LNX2: variants seen among roughly 807,000 people sequenced by gnomAD.
The protein encoded by LNX2 is ligand of numb-protein X 2, also known as ligand of Numb protein X 2.
In LNX2, 35 loss-of-function variants were observed where a neutral mutation model predicts 66.2. That is an observed-to-expected ratio of 0.53 (90% CI 0.40 to 0.70). The LOEUF is 0.70. Ranked by LOEUF, LNX2 falls within the 30% of genes least tolerant of loss-of-function variation. The probability of loss-of-function intolerance (pLI) is 0.00; values close to 1 mark genes in which losing one functional copy is unlikely to be tolerated. For missense variants in LNX2, 791 were observed against 850.8 expected (o/e 0.93, Z 0.87); for synonymous variants, 337 against 315.6 (o/e 1.07, Z -0.72).
rs1048406232 is a variant in LNX2, at chr13:27,559,846, T to C, written c.1364A>G (p.His455Arg). The change falls in exon 6 of 10, where the codon CAT becomes CGT. Residue 455 changes from histidine (H) to arginine (R), a missense_variant. Physicochemically the swap from His to Arg is conservative, Grantham distance 29 (BLOSUM62 0). Coordinates refer to ENST00000316334, the MANE Select transcript of LNX2 (RefSeq NM_153371.4). ...PPPYYSRPSS[H>R]KDLTQCVTCQ... ...AAAAAAAAAAAAAATCCTCACCTTA[T>C]GTGAGCTTGGTCTGCTATAATACGG... is the stretch of plus-strand genomic sequence containing the variant. 4 of 1,553,910 alleles carry C rather than the reference T, an allele frequency of 2.6e-6. No individual in the cohort carries two copies. The highest frequency in any genetic ancestry group is 2.4e-5 in the South Asian group (2 of 81,696).
intron 1 of LNX2, among the ~76,000 whole-genome samples, chr13:27,583,117 T>C: frequency 6.6e-6 from 1 of 151,148 alleles, no homozygotes; most frequent in Non-Finnish European, 1.5e-5. Context: ...ACATTTCAAT[T>C]TCACCTCATA....
chr13:27,611,926 G>C (rs1006483388), intron 1 of LNX2, among the ~76,000 whole-genome samples: 4 of 152,186 alleles, frequency 2.6e-5, no homozygotes, highest in African/African-American at 9.7e-5. Context: ...CATATTTATA[G>C]GCTGGTGTGA....
Position 27,556,312 on chromosome 13 carries a change from C to T in LNX2, c.1470G>A (p.Lys490=). ...GMTVAGGRGS[K]SGELPIFVTS... ...TCACAAAGATGGGCAGCTCACCACT[C>T]TTACTTCCCCTGCCCCCAGCAACGG... Residue 490 remains lysine, a synonymous_variant, in exon 7 of 10, where the codon AAG becomes AAA. Coordinates refer to ENST00000316334, the MANE Select transcript of LNX2 (RefSeq NM_153371.4). The T allele has an allele frequency of 6.2e-7, 1 of 1,614,044 alleles. No homozygotes were observed.
intron 8 of LNX2, among the ~76,000 whole-genome samples, chr13:27,552,419 A>C (rs1955017295): frequency 6.6e-6 from 1 of 152,386 alleles, no homozygotes; most frequent in East Asian, 1.9e-4. Flanking sequence ...GTGGCTCAGA[A>C]AATAGCAAAT....
intron 2 of LNX2, among the ~76,000 whole-genome samples, chr13:27,575,509 G>A (rs1955332392): frequency 6.6e-6 from 1 of 152,134 alleles, no homozygotes; most frequent in Non-Finnish European, 1.5e-5. Flanking sequence ...GGAGGAAGAA[G>A]AAATTCATTC....
At chr13:27,603,853 AAGG>A (rs1955684987) in intron 1 of LNX2, among the ~76,000 whole-genome samples, 1 of 152,242 alleles carries the variant, frequency 6.6e-6, no homozygotes, top group Non-Finnish European at 1.5e-5. Flanking sequence ...TTCCACCAAA[AAGG>A]AGATGTCCAA....
chr13:27,605,228 T>C (rs146557300), intron 1 of LNX2, among the ~76,000 whole-genome samples: 26 of 152,312 alleles, frequency 1.7e-4, no homozygotes, highest in African/African-American at 4.3e-4. Context: ...CTAGGTTTAA[T>C]AGAGAGATGA....
intron 1 of LNX2, among the ~76,000 whole-genome samples, chr13:27,583,115 A>G (rs1955421174): frequency 6.6e-6 from 1 of 150,922 alleles, no homozygotes; most frequent in African/African-American, 2.4e-5. Context: ...ATACATTTCA[A>G]TTTCACCTCA....
intron 2 of LNX2, among the ~76,000 whole-genome samples, chr13:27,571,630 G>GCCC (rs1377877542): frequency 6.6e-6 from 1 of 152,126 alleles, no homozygotes; most frequent in African/African-American, 2.4e-5. Context: ...TAAATAAAGT[G>GCCC]AATTTATTTA....
intron 6 of LNX2, among the ~76,000 whole-genome samples, chr13:27,557,970 G>A (rs1007561590): frequency 2.0e-5 from 3 of 151,998 alleles, no homozygotes; most frequent in Non-Finnish European, 4.4e-5. Flanking sequence ...TTTAAGCAAA[G>A]TGTGGGTATT....
chr13:27,606,060 A>G (rs950566557), intron 1 of LNX2, among the ~76,000 whole-genome samples: 6 of 152,184 alleles, frequency 3.9e-5, no homozygotes, highest in Non-Finnish European at 8.8e-5. Context: ...TACAAATATT[A>G]AAACTGTAAA....
At chr13:27,594,421 T>G (rs75553783) in intron 1 of LNX2, among the ~76,000 whole-genome samples, 260 of 152,298 alleles carry the variant, frequency 1.7e-3, no homozygotes, top group African/African-American at 4.7e-3. Context: ...ATAAAGATGC[T>G]GTCAATTTTC....
At chr13:27,552,318 C>T (rs1041314340) in intron 8 of LNX2, among the ~76,000 whole-genome samples, 6 of 152,186 alleles carry the variant, frequency 3.9e-5, no homozygotes, top group African/African-American at 9.7e-5. Flanking sequence ...AGCCACTGCA[C>T]GAGTAGACCA....
At chr13:27,592,418 A>G (rs1354343898) in intron 1 of LNX2, among the ~76,000 whole-genome samples, 3 of 152,214 alleles carry the variant, frequency 2.0e-5, no homozygotes, top group African/African-American at 7.2e-5. Flanking sequence ...TGGGGTTAGC[A>G]TAACTGAGAT....
At chr13:27,557,875 T>C (rs1012906529) in intron 6 of LNX2, among the ~76,000 whole-genome samples, 6 of 152,066 alleles carry the variant, frequency 3.9e-5, no homozygotes, top group Non-Finnish European at 8.8e-5. Flanking sequence ...CCTTCAAAAT[T>C]AGACAAACAC....
At position 27,583,261 on chromosome 13, in the gene LNX2, C is replaced by CGTGGGCGT. The variant is rs1555268534; in HGVS notation, c.-100-1459_-100-1458insACGCCCAC. 3.8e-3 allele frequency among the ~76,000 whole-genome samples: 173 copies of CGTGGGCGT among 45,488 alleles called. 48 individuals are homozygous for CGTGGGCGT. The highest frequency in any genetic ancestry group is 0.014 in the African/African-American group (169 of 11,800). The allele number at this position is 45,488 out of a possible 152,430, so 29.8% of individuals were successfully genotyped here. A position where few individuals can be genotyped will look rare whatever the true frequency, so the allele number is the denominator to read the frequency against. On this transcript the variant is annotated intron_variant, in intron 1 of 9. Coordinates refer to ENST00000316334, the MANE Select transcript of LNX2 (RefSeq NM_153371.4). The stretch of plus-strand genomic sequence containing the variant: ...GTGTGTGTGTGTGTGTGTGTGCGCG[C>CGTGGGCGT]GTCCTCTCCAACATACTTATTTTTA...
intron 1 of LNX2, among the ~76,000 whole-genome samples, chr13:27,605,188 A>C (rs920541404): frequency 1.3e-5 from 2 of 152,230 alleles, no homozygotes; most frequent in Admixed American, 6.5e-5. Flanking sequence ...AAGTTGAAGC[A>C]GTATATAAAG....
At chr13:27,620,715 C>G (rs959599231), upstream of LNX2, 2 of 152,342 alleles carry the variant, frequency 1.3e-5, no homozygotes, top group Non-Finnish European at 2.9e-5. Flanking sequence ...CCAGAAGGGA[C>G]CCGTCACTCC....
chr13:27,548,290 A>C lies in LNX2; in HGVS notation c.*45T>G, dbSNP rs1954966627. On this transcript the variant is annotated 3_prime_UTR_variant, in exon 10 of 10. Coordinates refer to ENST00000316334, the MANE Select transcript of LNX2 (RefSeq NM_153371.4). ...TGAAACCAAAGGGTTTTCTTTCAAA[A>C]ATCTAAAAAAGGAAGATGCAAGATT... is the stretch of plus-strand genomic sequence containing the variant. 5 of 1,585,616 alleles carry C rather than the reference A, an allele frequency of 3.2e-6. No homozygotes were observed. Among genetic ancestry groups the C allele is most frequent in the Non-Finnish European group, 4.3e-6 (5 of 1,163,948 alleles).
Sources: allele counts gnomAD v4.1 joint callset (sites outside exome capture counted in the v4.1 genomes callset), GRCh38; gene constraint gnomAD v4.1.1; transcripts MANE v1.5; gene names NCBI Gene and HGNC (gene_info 2026-07-23, HGNC 2026-07-21).